GNL3: variants seen among roughly 807,000 people sequenced by gnomAD.
GNL3 encodes guanine nucleotide-binding protein-like 3.
A neutral mutation model predicts 70.6 loss-of-function variants in GNL3; 77 were observed. The ratio of observed to expected loss-of-function variants is 1.09; its 90% confidence interval spans 0.91 to 1.32. The LOEUF (loss-of-function observed/expected upper bound fraction) is 1.32. Among genes scored for constraint, GNL3 ranks in the 40% most tolerant of loss-of-function variants. The pLI, the probability that GNL3 is intolerant of heterozygous loss-of-function variation, is 0.00. For missense variants in GNL3, 634 were observed against 644.0 expected (o/e 0.98, Z 0.17); for synonymous variants, 252 against 216.1 (o/e 1.17, Z -1.46).
chr3:52,694,129 C>A (rs376380967), intron 14 of GNL3, 26 bp downstream of exon 14: 5 of 1,597,232 alleles, frequency 3.1e-6, no homozygotes, highest in Non-Finnish European at 4.3e-6. Context: ...GGGGTTCTAA[C>A]GAAGCAGCAT....
At position 52,690,612 on chromosome 3, in the gene GNL3, T is replaced by C. The variant is rs1187204937; in HGVS notation, c.562T>C (p.Leu188=). ...NKSDLVPKEN[L]ESWLNYLKKE... ...ATCAGATCTGGTACCAAAGGAGAAT[T>C]TGGAGAGCTGGCTAAATTATTTGAA... The change falls in exon 7 of 15, where the codon TTG becomes CTG. Residue 188 remains leucine, a synonymous_variant. Transcript: ENST00000418458. 2.5e-6 allele frequency: 4 copies of C among 1,606,392 alleles called. No individual in the cohort carries two copies. Among genetic ancestry groups the C allele is most frequent in the Non-Finnish European group, 3.4e-6 (4 of 1,173,146 alleles).
chr3:52,688,019 C>A, intron 4 of GNL3, 90 bp from the exon 5 acceptor site: 1 of 772,988 alleles, frequency 1.3e-6, no homozygotes, highest in Non-Finnish European at 2.4e-6. Context: ...TTAACAACTG[C>A]AAGGGCTGCT....
upstream of GNL3, chr3:52,685,926 G>A (rs1216321955): frequency 8.9e-6 from 6 of 671,506 alleles, no homozygotes; most frequent in Admixed American, 9.1e-5. Flanking sequence ...TCCCGCGGCC[G>A]CCAAGCGATC....
Position 52,691,090 on chromosome 3 carries a change from C to T in GNL3, c.781+19C>T. The T allele has an allele frequency of 1.2e-6, 2 of 1,608,788 alleles. No individual in the cohort carries two copies. The highest frequency in any genetic ancestry group is 1.7e-4 in the Middle Eastern group (1 of 6,046). ...GTAATTGGTGAGTTTCAGTTCATTA[C>T]TTTTTACTTTTTAAGTGTTGAAATA... On this transcript the variant is annotated intron_variant, in intron 8 of 14. Coordinates refer to ENST00000418458, the MANE Select transcript of GNL3 (RefSeq NM_014366.5).
At chr3:52,692,090 T>G (rs1474162117) in intron 9 of GNL3, among the ~76,000 whole-genome samples, 2 of 152,212 alleles carry the variant, frequency 1.3e-5, no homozygotes, top group Non-Finnish European at 2.9e-5. Context: ...CAATTTAGTT[T>G]GAAAGACAAG....
At chr3:52,694,152 C>T (rs373993867) in intron 14 of GNL3, 41 bp from the exon 15 acceptor site, 24 of 1,592,810 alleles carry the variant, frequency 1.5e-5, no homozygotes, top group Non-Finnish European at 2.1e-5. Context: ...TATAGAATCA[C>T]TTTTACTTTT....
rs2154099861 is a variant in GNL3 at position 52,694,422 on chromosome 3, C to G, written c.*147C>G. 1.7e-6 allele frequency: 1 copy of G among 584,488 alleles called. No individual in the cohort carries two copies. Among genetic ancestry groups the G allele is most frequent in the Admixed American group, 3.2e-5 (1 of 31,518 alleles). The allele number at this position is 584,488 out of a possible 1,614,324, so 36.2% of individuals were successfully genotyped here. A position where few individuals can be genotyped will look rare whatever the true frequency, so the allele number is the denominator to read the frequency against. On this transcript the variant is annotated 3_prime_UTR_variant, in exon 15 of 15. Coordinates refer to ENST00000418458, the MANE Select transcript of GNL3 (RefSeq NM_014366.5). ...CCAGGCAACTTGGAATCCCTAAATT[C>G]TGTAAAAAGACAATTCATCTCATTG...
chr3:52,686,631 T>C, intron 1 of GNL3, 138 bp from the exon 2 acceptor site: 1 of 655,410 alleles, frequency 1.5e-6, no homozygotes, highest in Admixed American at 2.8e-5. Context: ...GTAGCACGTA[T>C]GTTTGCATTA....
At chr3:52,691,510 T>A in intron 8 of GNL3, 32 bp from the exon 9 acceptor site, 1 of 1,259,840 alleles carries the variant, frequency 7.9e-7, no homozygotes, top group African/African-American at 1.5e-5. Flanking sequence ...CATATAATGC[T>A]TTTTATATCT....
chr3:52,686,146 T>C, intron 1 of GNL3, 41 bp downstream of exon 1: 1 of 1,591,412 alleles, frequency 6.3e-7, no homozygotes, highest in African/African-American at 1.4e-5. Context: ...GACCCACGTC[T>C]GGAAGTTGCT....
chr3:52,686,625 C>A, intron 1 of GNL3, 144 bp from the exon 2 acceptor site: 1 of 643,898 alleles, frequency 1.6e-6, no homozygotes, highest in Non-Finnish European at 2.8e-6. Flanking sequence ...TTGAAAGTAG[C>A]ACGTATGTTT....
intron 13 of GNL3, 70 bp from the exon 14 acceptor site, chr3:52,693,967 T>C: frequency 7.1e-7 from 1 of 1,400,474 alleles, no homozygotes; most frequent in African/African-American, 1.4e-5. Context: ...ATTTTTCAGG[T>C]ACATAACTAC....
chr3:52,690,526 G>A (rs1263679465), intron 6 of GNL3, 66 bp from the exon 7 acceptor site: 1 of 859,890 alleles, frequency 1.2e-6, no homozygotes, highest in Non-Finnish European at 2.0e-6. Context: ...GCCTCCCAAA[G>A]TGCTGGGATT....
chr3:52,693,389 A>T lies in GNL3; in HGVS notation c.1188-19A>T. On this transcript the variant is annotated intron_variant, in intron 11 of 14. Coordinates refer to ENST00000418458, the MANE Select transcript of GNL3 (RefSeq NM_014366.5). Reference sequence around the variant, plus strand: ...ACTAGAATAAACCTTCTTTTGACACATCTTATTTTTAATATCAGTGCCTCA... The same window carrying T: ...ACTAGAATAAACCTTCTTTTGACACTTCTTATTTTTAATATCAGTGCCTCA... The T allele has an allele frequency of 6.2e-7, 1 of 1,614,004 alleles. No homozygotes were observed.
Position 52,694,088 on chromosome 3 carries a change from GAGGAGACTACAGC to G in GNL3, c.1556_1567+1del, listed in dbSNP as rs1167658588. On this transcript the variant is annotated frameshift_variant and splice_region_variant, in exon 14 of 15. Transcript: ENST00000418458. LOFTEE classifies it low-confidence loss of function (END_TRUNC). ...AGAAGAGACAGGGGAGGCACTGTCT[GAGGAGACTACAGC>G]AGGTGAGGCAGGCAAAAGGGGTTCT... 6.2e-7 allele frequency: 1 copy of G among 1,612,854 alleles called. No homozygotes were observed. The highest frequency in any genetic ancestry group is 1.1e-5 in the South Asian group (1 of 91,050).
rs767141077 is a variant in GNL3, at chr3:52,690,602, A to C, written c.552A>C (p.Pro184=). The change falls in exon 7 of 15, where the codon CCA becomes CCC. Residue 184 remains proline (P), a synonymous_variant. Transcript: ENST00000418458. ...VLILNKSDLV[P]KENLESWLNY... The stretch of plus-strand genomic sequence containing the variant: ...TCTAATTGCTATCAGATCTGGTACC[A>C]AAGGAGAATTTGGAGAGCTGGCTAA... 2.9e-5 allele frequency: 46 copies of C among 1,594,100 alleles called. No homozygotes were observed. The highest frequency in any genetic ancestry group is 3.8e-5 in the Non-Finnish European group (44 of 1,161,876).
At chr3:52,687,199 G>T in intron 2 of GNL3, 47 bp from the exon 3 acceptor site, 1 of 1,516,304 alleles carries the variant, frequency 6.6e-7, no homozygotes, top group Non-Finnish European at 9.1e-7. Flanking sequence ...TTCTGCTTAA[G>T]TATAAAGATA....
chr3:52,692,604 AC>A (rs1398666834), intron 9 of GNL3: 1 of 474,708 alleles, frequency 2.1e-6, no homozygotes, highest in Non-Finnish European at 4.1e-6. Context: ...GGCGTGAGCC[AC>A]CGCGCCCAGC....
In GNL3 at chr3:52,693,520, A is replaced by G. The variant is rs2097329433; in HGVS notation, c.1300A>G (p.Lys434Glu). The change falls in exon 12 of 15, where the codon AAG (lysine) becomes GAG (glutamate). Residue 434 changes from lysine (K) to glutamate (E), a missense_variant. Lys to Glu is a moderately conservative substitution (Grantham distance 56). Coordinates refer to ENST00000418458, the MANE Select transcript of GNL3 (RefSeq NM_014366.5). ...CGGCTTCAATCTGGAAGAACTGGAAAAGAACAATGCACAGAGCATAAGAGG... is the reference window on the plus strand; with the variant it reads ...CGGCTTCAATCTGGAAGAACTGGAAGAGAACAATGCACAGAGCATAAGAGG... ...KSGFNLEELEKNNAQSIRAIK... is the reference protein window; with the variant it reads ...KSGFNLEELEENNAQSIRAIK... 1.2e-6 allele frequency: 2 copies of G among 1,614,102 alleles called. No individual in the cohort carries two copies. The highest frequency in any genetic ancestry group is 2.7e-5 in the African/African-American group (2 of 74,938).
Sources: gnomAD v4.1 joint callset for allele counts (sites outside exome capture counted in the v4.1 genomes callset) on GRCh38, gnomAD v4.1.1 for gene constraint, MANE v1.5 for transcripts, NCBI Gene and HGNC (gene_info 2026-07-23, HGNC 2026-07-21) for gene names.